ADGRB3: variants seen among roughly 807,000 people sequenced by gnomAD.
ADGRB3 encodes adhesion G protein-coupled receptor B3, also known as brain-specific angiogenesis inhibitor 3.
ADGRB3 carries 37 observed loss-of-function variants against 193.4 expected under a neutral mutation model. The observed-to-expected ratio is 0.19, with a 90% CI of 0.15 to 0.25. The LOEUF is 0.25. Among genes scored for constraint, ADGRB3 ranks in the 10% least tolerant of loss-of-function variants. ADGRB3 has a pLI of 1.00. For synonymous variants in ADGRB3, 690 were observed against 644.2 expected, an observed-to-expected ratio of 1.07 and a Z score of -1.08; for missense variants, 1,637 against 1,852.9, an observed-to-expected ratio of 0.88 and a Z score of 2.14.
intron 3 of ADGRB3, among the ~76,000 whole-genome samples, chr6:68,899,291 C>T (rs948264037): frequency 1.3e-5 from 2 of 151,968 alleles, no homozygotes; most frequent in Non-Finnish European, 2.9e-5. Flanking sequence ...ATTATTTTGC[C>T]ATTCTTTTTT....
Position 68,878,162 on chromosome 6 carries a change from A to G in ADGRB3, c.758-52397A>G, listed in dbSNP as rs184306373. ...AATATAGTTAAATAAATCTTTTAGGATAACTTTTTAAAATACTTCTTTTTC... is the reference window on the plus strand; with the variant it reads ...AATATAGTTAAATAAATCTTTTAGGGTAACTTTTTAAAATACTTCTTTTTC... On this transcript the variant is annotated intron_variant, in intron 3 of 31. Coordinates refer to ENST00000370598, the MANE Select transcript of ADGRB3 (RefSeq NM_001704.3). Among the ~76,000 whole-genome samples, 247 of 152,006 alleles carry G rather than the reference A, an allele frequency of 1.6e-3. 4 individuals carry two copies. Among genetic ancestry groups the G allele is most frequent in the Non-Finnish European group, 1.2e-4 (8 of 67,896 alleles).
chr6:68,981,850 T>A (rs1197691277), intron 10 of ADGRB3, among the ~76,000 whole-genome samples: 6 of 75,080 alleles, frequency 8.0e-5, no homozygotes, highest in East Asian at 1.6e-3. Context: ...ATTTTGTTAT[T>A]TATTTATTTA....
At chr6:69,309,303 A>T (rs1430388611) in intron 20 of ADGRB3, among the ~76,000 whole-genome samples, 1 of 151,712 alleles carries the variant, frequency 6.6e-6, no homozygotes, top group East Asian at 1.9e-4. Flanking sequence ...ATGTGATGAT[A>T]CAAGACAAAG....
rs141804809 is a variant in ADGRB3, at chr6:68,736,642, G to A, written c.757+97210G>A. 2.6e-3 allele frequency among the ~76,000 whole-genome samples: 391 copies of A among 152,206 alleles called. 2 individuals are homozygous for A. The highest frequency in any genetic ancestry group is 8.3e-3 in the African/African-American group (344 of 41,538). ...AGCTTTTAGAGGACTTGTGCACTTA[G>A]AGATGACCAAAAGAGAATGAAGATT... On this transcript the variant is annotated intron_variant, in intron 3 of 31. Transcript: ENST00000370598.
chr6:68,913,282 G>T (rs1035916908), intron 3 of ADGRB3, among the ~76,000 whole-genome samples: 2 of 151,720 alleles, frequency 1.3e-5, no homozygotes, highest in Non-Finnish European at 3.0e-5. Flanking sequence ...CAGCCTAACT[G>T]GGAGGCACCC....
intron 3 of ADGRB3, among the ~76,000 whole-genome samples, chr6:68,759,781 A>G (rs776609548): frequency 6.6e-6 from 1 of 152,066 alleles, no homozygotes; most frequent in Non-Finnish European, 1.5e-5. Flanking sequence ...TCTTTCAAAA[A>G]CAAGAAAGAA....
chr6:69,006,876 C>G (rs1769773156), intron 11 of ADGRB3, among the ~76,000 whole-genome samples: 1 of 151,960 alleles, frequency 6.6e-6, no homozygotes, highest in South Asian at 2.1e-4. Context: ...AATTTACCTT[C>G]AATGTTTTAA....
intron 17 of ADGRB3, among the ~76,000 whole-genome samples, chr6:69,214,454 T>C (rs1765733341): frequency 6.6e-6 from 1 of 152,040 alleles, no homozygotes; most frequent in South Asian, 2.1e-4. Context: ...TGCAAAACAT[T>C]TGGGGGACAG....
At chr6:69,157,204 T>C (rs535915037) in intron 17 of ADGRB3, among the ~76,000 whole-genome samples, 41 of 152,334 alleles carry the variant, frequency 2.7e-4, no homozygotes, top group African/African-American at 8.7e-4. Context: ...TGAGTTAAAA[T>C]TCACAAAGGA....
intron 3 of ADGRB3, among the ~76,000 whole-genome samples, chr6:68,736,926 A>T (rs555780667): frequency 6.6e-6 from 1 of 151,946 alleles, no homozygotes; most frequent in African/African-American, 2.4e-5. Flanking sequence ...TGAATTAGTC[A>T]TGTTTAGTAT....
intron 30 of ADGRB3, among the ~76,000 whole-genome samples, chr6:69,372,857 T>C (rs1200878414): frequency 6.6e-6 from 1 of 152,022 alleles, no homozygotes; most frequent in Non-Finnish European, 1.5e-5. Context: ...AGGCTTTCTC[T>C]GAAAATTACT....
intron 11 of ADGRB3, among the ~76,000 whole-genome samples, chr6:68,995,654 A>G (rs551691037): frequency 2.2e-4 from 34 of 152,304 alleles, no homozygotes; most frequent in African/African-American, 7.7e-4. Flanking sequence ...AAGTATACAC[A>G]AAGTCCTAAG....
intron 3 of ADGRB3, among the ~76,000 whole-genome samples, chr6:68,757,964 A>T (rs190092918): frequency 1.3e-5 from 2 of 152,128 alleles, no homozygotes; most frequent in East Asian, 3.9e-4. Flanking sequence ...TCCTTATTAC[A>T]TCCTCTTGCC....
At chr6:68,831,976 A>T (rs974967483) in intron 3 of ADGRB3, among the ~76,000 whole-genome samples, 9 of 152,180 alleles carry the variant, frequency 5.9e-5, no homozygotes, top group Admixed American at 2.0e-4. Flanking sequence ...GGCATTGTTA[A>T]TAGCATCGTG....
At chr6:69,316,515 C>T (rs920816981) in intron 20 of ADGRB3, among the ~76,000 whole-genome samples, 2 of 151,360 alleles carry the variant, frequency 1.3e-5, no homozygotes, top group Admixed American at 1.3e-4. Flanking sequence ...AGTGAATAGC[C>T]TGATGAGGGC....
chr6:68,797,938 T>C, intron 3 of ADGRB3, among the ~76,000 whole-genome samples: 1 of 152,206 alleles, frequency 6.6e-6, no homozygotes, highest in East Asian at 1.9e-4. Context: ...TTCTAACTAG[T>C]TACCAATGAA....
At position 68,653,674 on chromosome 6, in the gene ADGRB3, T is replaced by G. The variant is rs931184844; in HGVS notation, c.757+14242T>G. 2.0e-5 allele frequency among the ~76,000 whole-genome samples: 3 copies of G among 152,092 alleles called. No homozygotes were observed. In the East Asian group the frequency reaches 5.8e-4, roughly 29 times the overall value. On this transcript the variant is annotated intron_variant, in intron 3 of 31. Transcript: ENST00000370598. ...TCAACATTTAAAGATACTCGAGTTT[T>G]TCTTTATTTTAAAACTACATTAGAG... is the stretch of plus-strand genomic sequence containing the variant.
rs75200226 is a variant in ADGRB3 at position 68,657,351 on chromosome 6, A to G, written c.757+17919A>G. On this transcript the variant is annotated intron_variant, in intron 3 of 31. Transcript: ENST00000370598. ...TAAGCCTAGGTCTCAGTGCCATGTCATGTAACTAAGAATTAAATGTATTAG... is the reference window on the plus strand; with the variant it reads ...TAAGCCTAGGTCTCAGTGCCATGTCGTGTAACTAAGAATTAAATGTATTAG... Among the ~76,000 whole-genome samples, 75 of 151,644 alleles carry G rather than the reference A, an allele frequency of 4.9e-4. 1 individual carries two copies. Among genetic ancestry groups the G allele is most frequent in the African/African-American group, 6.5e-4 (27 of 41,508 alleles).
At chr6:68,714,331 A>G (rs1051010699) in intron 3 of ADGRB3, among the ~76,000 whole-genome samples, 1 of 151,672 alleles carries the variant, frequency 6.6e-6, no homozygotes, top group African/African-American at 2.4e-5. Flanking sequence ...CAAAGAGACC[A>G]TATCCAAAAC....
Sources: gnomAD v4.1 joint callset for allele counts (sites outside exome capture counted in the v4.1 genomes callset) on GRCh38, gnomAD v4.1.1 for gene constraint, MANE v1.5 for transcripts, NCBI Gene and HGNC (gene_info 2026-07-23, HGNC 2026-07-21) for gene names.